The following HTR1F variants were observed in gnomAD, a reference collection of about 807,000 sequenced individuals.
HTR1F encodes the protein 5-hydroxytryptamine (serotonin) receptor 1F, G protein-coupled.
Under a neutral mutation model 24.0 loss-of-function variants are expected in HTR1F, and 17 were observed. That is an observed-to-expected ratio of 0.71 (90% CI 0.48 to 1.06). The LOEUF is 1.06. Ranked by LOEUF, HTR1F falls within the 50% of genes least tolerant of loss-of-function variation. The pLI is 0.00. For missense variants in HTR1F, 391 were observed against 427.8 expected, an observed-to-expected ratio of 0.91 and a Z score of 0.76; for synonymous variants, 186 against 156.8, an observed-to-expected ratio of 1.19 and a Z score of -1.39.
At chr3:87,958,292 T>G (rs1160758430) in intron 2 of HTR1F, among the ~76,000 whole-genome samples, 2 of 151,440 alleles carry the variant, frequency 1.3e-5, no homozygotes, top group African/African-American at 2.4e-5. Context: ...TTTGGGTGGT[T>G]GTTTTTTGTT....
At chr3:87,901,492 C>T (rs1706322293) in intron 2 of HTR1F, among the ~76,000 whole-genome samples, 1 of 152,064 alleles carries the variant, frequency 6.6e-6, no homozygotes, top group Non-Finnish European at 1.5e-5. Context: ...GAGAAAAATA[C>T]ATTTCTGTTG....
chr3:87,897,247 T>TAC (rs1706219077), intron 2 of HTR1F, among the ~76,000 whole-genome samples: 1 of 148,802 alleles, frequency 6.7e-6, no homozygotes, highest in Admixed American at 6.7e-5. Flanking sequence ...TATATATATA[T>TAC]ATATAATTCA....
chr3:87,834,567 T>G (rs1704645577), intron 2 of HTR1F, among the ~76,000 whole-genome samples: 1 of 152,138 alleles, frequency 6.6e-6, no homozygotes, highest in African/African-American at 2.4e-5. Context: ...TTTTGATCCC[T>G]AATGCCTAGT....
chr3:87,819,290 A>G (rs1704309003), intron 1 of HTR1F, among the ~76,000 whole-genome samples: 1 of 152,076 alleles, frequency 6.6e-6, no homozygotes. Context: ...CCAGACACAC[A>G]TATGGGCATT....
At chr3:87,982,099 T>G (rs1705556900) in intron 2 of HTR1F, among the ~76,000 whole-genome samples, 1 of 152,166 alleles carries the variant, frequency 6.6e-6, no homozygotes, top group South Asian at 2.1e-4. Context: ...ATTTTTGTAT[T>G]TTTAATAGAG....
intron 2 of HTR1F, among the ~76,000 whole-genome samples, chr3:87,904,474 G>A (rs534986324): frequency 1.3e-5 from 2 of 152,048 alleles, no homozygotes; most frequent in Admixed American, 1.3e-4. Flanking sequence ...GAAAACAACC[G>A]AAGTGGCCAT....
At chr3:87,887,474 T>C (rs1036547750) in intron 2 of HTR1F, among the ~76,000 whole-genome samples, 31 of 151,962 alleles carry the variant, frequency 2.0e-4, no homozygotes, top group African/African-American at 7.0e-4. Context: ...AATTGACAAA[T>C]GGGATCTAAT....
At chr3:87,840,280 G>T (rs942127953) in intron 2 of HTR1F, among the ~76,000 whole-genome samples, 5 of 152,006 alleles carry the variant, frequency 3.3e-5, no homozygotes, top group Non-Finnish European at 7.4e-5. Flanking sequence ...CATAGTTTGT[G>T]AATATTTTCT....
intron 2 of HTR1F, among the ~76,000 whole-genome samples, chr3:87,876,187 A>G (rs1297013386): frequency 6.6e-6 from 1 of 152,236 alleles, no homozygotes; most frequent in Non-Finnish European, 1.5e-5. Context: ...TCTGGAAAGC[A>G]GTATGAACAT....
chr3:87,804,067 C>T (rs1704035485), intron 1 of HTR1F, among the ~76,000 whole-genome samples: 1 of 152,066 alleles, frequency 6.6e-6, no homozygotes, highest in Admixed American at 6.6e-5. Flanking sequence ...ACTGTATCCT[C>T]CTTTGATTTC....
intron 2 of HTR1F, among the ~76,000 whole-genome samples, chr3:87,980,213 G>A (rs560367612): frequency 6.6e-6 from 1 of 152,208 alleles, no homozygotes; most frequent in Non-Finnish European, 1.5e-5. Context: ...CAATATTACA[G>A]CTCTCAGGCT....
chr3:87,891,677 C>A (rs1706089807), intron 2 of HTR1F, among the ~76,000 whole-genome samples: 1 of 152,184 alleles, frequency 6.6e-6, no homozygotes, highest in South Asian at 2.1e-4. Context: ...GTTTGCCAAA[C>A]CCATCATTAT....
At chr3:87,867,815 G>T (rs1370418430) in intron 2 of HTR1F, among the ~76,000 whole-genome samples, 2 of 152,024 alleles carry the variant, frequency 1.3e-5, no homozygotes, top group Non-Finnish European at 2.9e-5. Flanking sequence ...AAATAGTAGG[G>T]GTCTTGATCT....
chr3:87,900,663 G>A (rs1159544912), intron 2 of HTR1F, among the ~76,000 whole-genome samples: 1 of 152,070 alleles, frequency 6.6e-6, no homozygotes, highest in African/African-American at 2.4e-5. Context: ...ATTTGTTTCT[G>A]AATATATTTT....
chr3:87,928,308 AGTG>A (rs1037211808), intron 2 of HTR1F, among the ~76,000 whole-genome samples: 2 of 152,132 alleles, frequency 1.3e-5, no homozygotes, highest in African/African-American at 4.8e-5. Flanking sequence ...AGCCTCTCAA[AGTG>A]CTGGATTACA....
At chr3:87,843,365 T>C (rs2919239) in intron 2 of HTR1F, among the ~76,000 whole-genome samples, 9,201 of 151,850 alleles carry the variant, frequency 0.061, 981 homozygotes, top group African/African-American at 0.2. Context: ...ATGTGAGCAG[T>C]GTTCTTCCTG....
chr3:87,870,465 G>T (rs1211310782), intron 2 of HTR1F, among the ~76,000 whole-genome samples: 1 of 152,048 alleles, frequency 6.6e-6, no homozygotes. Flanking sequence ...CAACTGAAAT[G>T]AAACAATTAA....
In HTR1F at chr3:87,912,952, A is replaced by C. The variant is rs533797585; in HGVS notation, c.-42-77756A>C. On this transcript the variant is annotated intron_variant, in intron 2 of 2. Coordinates refer to ENST00000319595, the MANE Select transcript of HTR1F (RefSeq NM_001322209.2). Reference sequence around the variant, plus strand: ...CAAAAATCAACTCAAGATGGATTGAAGACTTAAATGTAAAACCCAAAACTA... The same window carrying C: ...CAAAAATCAACTCAAGATGGATTGACGACTTAAATGTAAAACCCAAAACTA... 2.6e-5 allele frequency among the ~76,000 whole-genome samples: 4 copies of C among 152,324 alleles called. No homozygotes were observed. The East Asian group carries it at 7.7e-4, about 29-fold the overall frequency.
At chr3:87,953,096 C>T (rs1356775332) in intron 2 of HTR1F, among the ~76,000 whole-genome samples, 1 of 151,642 alleles carries the variant, frequency 6.6e-6, no homozygotes, top group East Asian at 1.9e-4. Context: ...AACTATTAAA[C>T]TACTAGAATA....
Sources: allele counts gnomAD v4.1 joint callset (sites outside exome capture counted in the v4.1 genomes callset), GRCh38; gene constraint gnomAD v4.1.1; transcripts MANE v1.5; gene names NCBI Gene and HGNC (gene_info 2026-07-23, HGNC 2026-07-21).